Variants in MED16 observed in about 807,000 individuals in gnomAD.
MED16 encodes mediator of RNA polymerase II transcription subunit 16.
Under a neutral mutation model 84.4 loss-of-function variants are expected in MED16, and 81 were observed. That is an observed-to-expected ratio of 0.96 (90% confidence interval 0.80 to 1.15). The LOEUF (loss-of-function observed/expected upper bound fraction) is 1.15, where lower values mean the gene tolerates loss of function less well. Ranked by LOEUF, MED16 falls within the 50% of genes most tolerant of loss-of-function variation. MED16 has a pLI of 0.00. For synonymous variants in MED16, 897 were observed against 552.2 expected, an observed-to-expected ratio of 1.62 and a Z score of -8.76; for missense variants, 1,585 against 1,245.9, an observed-to-expected ratio of 1.27 and a Z score of -4.10.
chr19:868,353 T>TAGCTGAGGGGC, intron 15 of MED16, 63 bp downstream of exon 15: 2 of 1,592,298 alleles, frequency 1.3e-6, no homozygotes, highest in Non-Finnish European at 1.7e-6. Context: ...AGCTGAGGAG[T>TAGCTGAGGGGC]AGCTGAGGGG....
chr19:889,802 G>GGGA lies in MED16; in HGVS notation c.280_282dup (p.Ser94dup), dbSNP rs2036597198. The GGGA allele has an allele frequency of 6.2e-7, 1 of 1,609,486 alleles. No homozygotes were observed. Among genetic ancestry groups the GGGA allele is most frequent in the African/African-American group, 1.3e-5 (1 of 74,986 alleles). ...CCGTCGGCATCTGCTGACAGGAGCC[G>GGGA]GGAGCCTGAGGGCAAGAAGCCATCA... On this transcript the variant is annotated inframe_insertion, in exon 4 of 16. Coordinates refer to ENST00000325464, the MANE Select transcript of MED16 (RefSeq NM_005481.3).
rs1568320955 is a variant in MED16 at position 872,969 on chromosome 19, CAGGGCTCCGAGGTGGGGG to C, written c.1905+462_1905+479del. The stretch of plus-strand genomic sequence containing the variant: ...GGTGGGGGAGGGCTCCGAGGTGGGG[CAGGGCTCCGAGGTGGGGG>C]AGGGCTCCGAGGTGGGGGAGGGCTC... On this transcript the variant is annotated intron_variant, in intron 11 of 15. Coordinates refer to ENST00000325464, the MANE Select transcript of MED16 (RefSeq NM_005481.3). 67 of 260,814 alleles carry C rather than the reference CAGGGCTCCGAGGTGGGGG, an allele frequency of 2.6e-4. 3 individuals carry two copies. The highest frequency in any genetic ancestry group is 9.1e-4 in the South Asian group (13 of 14,246). 16.2% of individuals were successfully genotyped at this position (260,814 alleles called of 1,614,324 possible). A position where few individuals can be genotyped will look rare whatever the true frequency, so the allele number is the denominator to read the frequency against.
intron 2 of MED16, 59 bp downstream of exon 2, chr19:890,904 G>A (rs2036618528): frequency 1.3e-6 from 2 of 1,559,058 alleles, no homozygotes; most frequent in Non-Finnish European, 1.7e-6. Flanking sequence ...CCGGGCACCT[G>A]GGGAACAGGG....
intron 6 of MED16, among the ~76,000 whole-genome samples, chr19:884,033 C>A (rs1203424736): frequency 1.3e-5 from 2 of 152,164 alleles, no homozygotes; most frequent in South Asian, 4.1e-4. Context: ...CCTGCAGGCC[C>A]CGGGAGCCAT....
Position 875,413 on chromosome 19 carries a change from G to T in MED16, c.1602C>A (p.Cys534Ter). ...GGGTCACCGTGCAGGGCGACAGCTT[G>T]CAGAGCGAGGCCTTCATGGCCAGGA... The part of the protein sequence containing the change: ...TRILAMKASL[C>*]KLSPCTVTRV... Residue 534 changes from cysteine (C) to a stop codon, truncating the protein, a stop_gained, in exon 10 of 16, where the codon TGC becomes TGA. Coordinates refer to ENST00000325464, the MANE Select transcript of MED16 (RefSeq NM_005481.3). LOFTEE classifies it high-confidence loss of function. 1.2e-6 allele frequency: 2 copies of T among 1,606,410 alleles called. No individual in the cohort carries two copies. Among genetic ancestry groups the T allele is most frequent in the Non-Finnish European group, 8.5e-7 (1 of 1,179,730 alleles).
At chr19:868,742 C>A in intron 14 of MED16, 121 bp downstream of exon 14, 1 of 1,181,194 alleles carries the variant, frequency 8.5e-7, no homozygotes, top group Admixed American at 2.5e-5. Flanking sequence ...TCCAACACTC[C>A]CTCTGGGACG....
intron 6 of MED16, among the ~76,000 whole-genome samples, chr19:884,699 G>A (rs769549188): frequency 2.0e-5 from 3 of 152,222 alleles, no homozygotes; most frequent in Admixed American, 1.3e-4. Flanking sequence ...GGATGGAGGA[G>A]TCTATACGCC....
chr19:873,681 C>T, intron 10 of MED16, 99 bp from the exon 11 acceptor site: 1 of 1,404,024 alleles, frequency 7.1e-7, no homozygotes, highest in Admixed American at 1.8e-5. Context: ...AGTGCCCACC[C>T]AGTACCAGGA....
At chr19:890,865 G>A (rs2036617875) in intron 2 of MED16, 98 bp downstream of exon 2, 4 of 1,328,744 alleles carry the variant, frequency 3.0e-6, no homozygotes, top group South Asian at 1.3e-5. Flanking sequence ...GAGGTGGCCT[G>A]AGAGACCGAG....
chr19:872,746 GCCCACCC>G (rs2036112043), intron 11 of MED16, among the ~76,000 whole-genome samples: 1 of 151,678 alleles, frequency 6.6e-6, no homozygotes. Context: ...TTTCAAGGCC[GCCCACCC>G]CAGGCGCAGG....
chr19:881,729 G>A lies in MED16; in HGVS notation c.986-15C>T, dbSNP rs769473262. 8 of 1,607,190 alleles carry A rather than the reference G, an allele frequency of 5.0e-6. No individual in the cohort carries two copies. The East Asian group carries it at 8.9e-5, about 18-fold the overall frequency. On this transcript the variant is annotated splice_polypyrimidine_tract_variant and intron_variant, in intron 6 of 15. Coordinates refer to ENST00000325464, the MANE Select transcript of MED16 (RefSeq NM_005481.3). ...TTTGTCGCCAACTGAAAAATCAGGG[G>A]CAGGAAAACAGGAAGGCAATGGAGT...
At chr19:870,989 C>T (rs753550272) in intron 13 of MED16, 48 bp downstream of exon 13, 24 of 1,439,854 alleles carry the variant, frequency 1.7e-5, no homozygotes, top group East Asian at 8.3e-5. Context: ...GGGCAGGACA[C>T]GGAGGAAGGA....
intron 13 of MED16, among the ~76,000 whole-genome samples, chr19:870,661 G>A (rs969271228): frequency 6.6e-6 from 1 of 151,970 alleles, no homozygotes. Flanking sequence ...ACTAGGGGAT[G>A]GAGTTAGGGG....
intron 8 of MED16, among the ~76,000 whole-genome samples, chr19:879,047 G>T (rs1683568): frequency 3.4e-3 from 340 of 99,482 alleles, no homozygotes; most frequent in African/African-American, 0.013. Context: ...ACCTTCCCCC[G>T]GTTGTCAATG....
chr19:892,813 C>T (rs1351269084), intron 1 of MED16: 1 of 152,632 alleles, frequency 6.6e-6, no homozygotes, highest in Non-Finnish European at 1.5e-5. Context: ...CTCCTTAGGC[C>T]CCGCCCCGAA....
At chr19:888,773 C>T (rs117381356) in intron 4 of MED16, among the ~76,000 whole-genome samples, 5,075 of 152,236 alleles carry the variant, frequency 0.033, 131 homozygotes, top group Middle Eastern at 0.071. Flanking sequence ...GCGTGTACTG[C>T]GGCAATGCGC....
intron 15 of MED16, 67 bp downstream of exon 15, chr19:868,349 G>GGGGTAGCT: frequency 6.3e-7 from 1 of 1,591,954 alleles, no homozygotes; most frequent in Non-Finnish European, 8.5e-7. Flanking sequence ...GGGTAGCTGA[G>GGGGTAGCT]GAGTAGCTGA....
At chr19:871,474 T>TGGGCGGGGGGGGGCGGGGG in intron 12 of MED16, 2 of 1,451,596 alleles carry the variant, frequency 1.4e-6, no homozygotes, top group Non-Finnish European at 9.2e-7. Flanking sequence ...TGGCCTGTCA[T>TGGGCGGGGGGGGGCGGGGG]GAGACTCCCT....
intron 15 of MED16, 65 bp from the exon 16 acceptor site, chr19:868,316 AGCCGGGCTCAGGGGCAGCT>A: frequency 6.3e-7 from 1 of 1,582,752 alleles, no homozygotes; most frequent in Non-Finnish European, 8.6e-7. Flanking sequence ...CTCTTGCAGC[AGCCGGGCTCAGGGGCAGCT>A]GAGGGGTAGC....
Sources: gnomAD v4.1 joint callset for allele counts (sites outside exome capture counted in the v4.1 genomes callset) on GRCh38, gnomAD v4.1.1 for gene constraint, MANE v1.5 for transcripts, NCBI Gene and HGNC (gene_info 2026-07-23, HGNC 2026-07-21) for gene names.